Variants in SORCS3 observed in about 807,000 individuals in gnomAD.
The protein encoded by SORCS3 is sortilin related VPS10 domain containing receptor 3.
SORCS3 carries 57 observed loss-of-function variants against 146.3 expected under a neutral mutation model. That is an observed-to-expected ratio of 0.39 (90% confidence interval 0.31 to 0.49). The LOEUF (loss-of-function observed/expected upper bound fraction) is 0.49, where lower values mean the gene tolerates loss of function less well. SORCS3 is among the 20% of genes least tolerant of loss of function. SORCS3 has a pLI of 0.92. For synonymous variants in SORCS3, 653 were observed against 618.5 expected (o/e 1.06, Z -0.83); for missense variants, 1,341 against 1,575.5 (o/e 0.85, Z 2.52).
At chr10:105,000,925 T>C (rs1191664339) in intron 4 of SORCS3, among the ~76,000 whole-genome samples, 1 of 152,182 alleles carries the variant, frequency 6.6e-6, no homozygotes, top group Non-Finnish European at 1.5e-5. Flanking sequence ...CATGGGTCAT[T>C]ATCGAGTCAG....
intron 21 of SORCS3, among the ~76,000 whole-genome samples, chr10:105,246,341 A>G (rs927072603): frequency 6.6e-6 from 1 of 151,750 alleles, no homozygotes; most frequent in African/African-American, 2.4e-5. Context: ...TAGATTTTTC[A>G]TTACTAGTTT....
intron 7 of SORCS3, among the ~76,000 whole-genome samples, chr10:105,131,465 C>G (rs560643799): frequency 1.8e-4 from 28 of 152,218 alleles, no homozygotes; most frequent in Non-Finnish European, 3.7e-4. Context: ...AATTATGGTT[C>G]GTATTCACAA....
rs532070348 is a variant in SORCS3, at chr10:104,672,814, T to C, written c.627+30860T>C. The stretch of plus-strand genomic sequence containing the variant: ...TATTGTATTAATTCTTTCATTTCCT[T>C]ATATTTGGTCTAGTTGTTTTATCCA... On this transcript the variant is annotated intron_variant, in intron 1 of 26. Transcript: ENST00000369701. Among the ~76,000 whole-genome samples, 4 of 152,310 alleles carry C rather than the reference T, an allele frequency of 2.6e-5. No individual in the cohort carries two copies. In the South Asian group the frequency reaches 8.3e-4, roughly 32 times the overall value.
At chr10:105,118,936 C>G (rs998239048) in intron 7 of SORCS3, among the ~76,000 whole-genome samples, 3 of 152,196 alleles carry the variant, frequency 2.0e-5, no homozygotes, top group African/African-American at 7.2e-5. Context: ...GGAAGAAATT[C>G]AAGCCAGCTG....
At chr10:104,858,652 C>T (rs1441210316) in intron 2 of SORCS3, among the ~76,000 whole-genome samples, 32 of 147,208 alleles carry the variant, frequency 2.2e-4, no homozygotes, top group African/African-American at 7.3e-4. Flanking sequence ...GACGGAGTCT[C>T]GCTCTGTCGC....
intron 20 of SORCS3, among the ~76,000 whole-genome samples, chr10:105,229,880 G>A (rs775986669): frequency 7.2e-5 from 11 of 152,196 alleles, no homozygotes; most frequent in Non-Finnish European, 1.3e-4. Flanking sequence ...AGGTGGGTGA[G>A]TGGGTTCTGT....
intron 14 of SORCS3, among the ~76,000 whole-genome samples, chr10:105,178,791 C>G (rs988901773): frequency 5.3e-5 from 8 of 152,076 alleles, no homozygotes; most frequent in Admixed American, 5.2e-4. Flanking sequence ...CAATACTGTC[C>G]CCCACCTCCC....
intron 1 of SORCS3, among the ~76,000 whole-genome samples, chr10:104,688,079 A>T (rs2016068947): frequency 6.6e-6 from 1 of 152,228 alleles, no homozygotes; most frequent in African/African-American, 2.4e-5. Context: ...AAATACATTT[A>T]TGTGTTGTTT....
At chr10:104,687,351 T>C (rs1252753239) in intron 1 of SORCS3, among the ~76,000 whole-genome samples, 1 of 152,214 alleles carries the variant, frequency 6.6e-6, no homozygotes, top group African/African-American at 2.4e-5. Context: ...GCTGCCTCCA[T>C]GTAGAAGGCA....
chr10:104,781,126 T>G (rs2017369473), intron 1 of SORCS3, among the ~76,000 whole-genome samples: 1 of 152,196 alleles, frequency 6.6e-6, no homozygotes, highest in Admixed American at 6.5e-5. Context: ...GCAGGTGTAG[T>G]AGTAATGCTG....
chr10:105,191,265 A>AC (rs11387146), intron 14 of SORCS3, among the ~76,000 whole-genome samples: 51,218 of 152,058 alleles, frequency 0.34, 8,750 homozygotes, highest in South Asian at 0.48. Context: ...ATAAAATGCT[A>AC]AGAAATTCAG....
In SORCS3 at chr10:104,709,629, T is replaced by A. The variant is rs2016389183; in HGVS notation, c.627+67675T>A. ...CATTTGACAGATGGGGAACTCAGAT[T>A]CAGAGAAGTTTAGGAAACATTACAA... On this transcript the variant is annotated intron_variant, in intron 1 of 26. Transcript: ENST00000369701. 2.0e-5 allele frequency among the ~76,000 whole-genome samples: 3 copies of A among 152,190 alleles called. No homozygotes were observed. In the South Asian group the frequency reaches 6.2e-4, roughly 31 times the overall value.
intron 1 of SORCS3, among the ~76,000 whole-genome samples, chr10:104,781,833 G>A (rs990387245): frequency 2.6e-5 from 4 of 152,212 alleles, no homozygotes; most frequent in African/African-American, 9.7e-5. Context: ...TGGTATCAGG[G>A]TGAGTCTTCC....
At chr10:105,143,971 C>T (rs1453446076) in intron 8 of SORCS3, among the ~76,000 whole-genome samples, 3 of 152,118 alleles carry the variant, frequency 2.0e-5, no homozygotes, top group African/African-American at 7.2e-5. Flanking sequence ...CCTCTTAAGT[C>T]TTCTCTTCAC....
chr10:105,175,342 C>T (rs902367865), intron 13 of SORCS3, among the ~76,000 whole-genome samples: 6 of 151,770 alleles, frequency 4.0e-5, no homozygotes, highest in African/African-American at 1.2e-4. Context: ...TTACAGGCCA[C>T]TGCACCTGGC....
intron 1 of SORCS3, among the ~76,000 whole-genome samples, chr10:104,753,367 A>C (rs368632810): frequency 6.6e-6 from 1 of 152,234 alleles, no homozygotes; most frequent in Admixed American, 6.5e-5. Flanking sequence ...TAAAAGGAAA[A>C]GTGATCTACA....
intron 14 of SORCS3, among the ~76,000 whole-genome samples, chr10:105,196,747 T>A (rs2056546414): frequency 6.6e-6 from 1 of 152,202 alleles, no homozygotes; most frequent in South Asian, 2.1e-4. Flanking sequence ...CCAGGTTAAC[T>A]AGCCTGAGTT....
chr10:105,025,837 AACACACACACAC>A lies in SORCS3; in HGVS notation c.955-17185_955-17174del, dbSNP rs57597161. On this transcript the variant is annotated intron_variant, in intron 4 of 26. Coordinates refer to ENST00000369701, the MANE Select transcript of SORCS3 (RefSeq NM_014978.3). ...ACTGCTTTATAATTATGTCTTCTCAAACACACACACACACACACACACACACACACACACACA... is the reference window on the plus strand; with the variant it reads ...ACTGCTTTATAATTATGTCTTCTCAAACACACACACACACACACACACACA... 1.3e-4 allele frequency among the ~76,000 whole-genome samples: 17 copies of A among 135,506 alleles called. No individual in the cohort carries two copies. In the East Asian group the frequency reaches 1.6e-3, roughly 13 times the overall value. 88.9% of individuals were successfully genotyped at this position (135,506 alleles called of 152,430 possible). A position where few individuals can be genotyped will look rare whatever the true frequency, so the allele number is the denominator to read the frequency against.
intron 1 of SORCS3, among the ~76,000 whole-genome samples, chr10:104,790,211 G>A (rs2017480255): frequency 6.6e-6 from 1 of 152,212 alleles, no homozygotes; most frequent in Non-Finnish European, 1.5e-5. Flanking sequence ...AATGTAAGGT[G>A]CATAAATTCA....
Sources: allele counts gnomAD v4.1 joint callset (sites outside exome capture counted in the v4.1 genomes callset), GRCh38; gene constraint gnomAD v4.1.1; transcripts MANE v1.5; gene names NCBI Gene and HGNC (gene_info 2026-07-23, HGNC 2026-07-21).